NYAP2: variants seen among roughly 807,000 people sequenced by gnomAD.
NYAP2 encodes the protein neuronal tyrosine-phosphorylated phosphoinositide-3-kinase adaptor 2.
NYAP2 carries 23 observed loss-of-function variants against 50.4 expected under a neutral mutation model. That is an observed-to-expected ratio of 0.46 (90% CI 0.33 to 0.65). The LOEUF is 0.65. Ranked by LOEUF, NYAP2 falls within the 30% of genes least tolerant of loss-of-function variation. NYAP2 has a pLI of 0.02. For missense variants in NYAP2, 885 were observed against 861.0 expected (o/e 1.03, Z -0.35); for synonymous variants, 394 against 365.2 (o/e 1.08, Z -0.90).
chr2:225,447,187 C>T (rs1689577045), intron 3 of NYAP2, among the ~76,000 whole-genome samples: 1 of 152,164 alleles, frequency 6.6e-6, no homozygotes, highest in African/African-American at 2.4e-5. Context: ...ATATGTAGCC[C>T]AGGTGGAGAC....
intron 5 of NYAP2, among the ~76,000 whole-genome samples, chr2:225,601,241 C>A (rs1395912055): frequency 6.6e-6 from 1 of 151,638 alleles, no homozygotes; most frequent in Non-Finnish European, 1.5e-5. Context: ...CTGCCTCAGT[C>A]TCCTGAGTAG....
intron 5 of NYAP2, among the ~76,000 whole-genome samples, chr2:225,623,823 T>C (rs1417692493): frequency 6.6e-6 from 1 of 152,210 alleles, no homozygotes; most frequent in African/African-American, 2.4e-5. Context: ...CATATTCCAT[T>C]GTTAACTGTA....
chr2:225,574,544 T>C lies in NYAP2; in HGVS notation c.524-7397T>C, dbSNP rs901266526. ...CCTGTAAGTGAGTAGTTTTCCTAGC[T>C]ACTTCCAGCCTTTAAAAGTTTTGGG... On this transcript the variant is annotated intron_variant, in intron 4 of 6. Coordinates refer to ENST00000636099, the Ensembl canonical transcript of NYAP2. Among the ~76,000 whole-genome samples, 47 of 152,230 alleles carry C rather than the reference T, an allele frequency of 3.1e-4. 1 individual carries two copies. The highest frequency in any genetic ancestry group is 1.6e-3 in the Admixed American group (24 of 15,282).
the NYAP2 span, among the ~76,000 whole-genome samples, chr2:225,664,982 T>C: frequency 6.6e-6 from 1 of 152,268 alleles, no homozygotes; most frequent in East Asian, 1.9e-4. Context: ...CAAGTATATA[T>C]TTAAGGCAGA....
At chr2:225,502,100 C>A (rs1171574134) in intron 3 of NYAP2, among the ~76,000 whole-genome samples, 1 of 152,136 alleles carries the variant, frequency 6.6e-6, no homozygotes, top group Non-Finnish European at 1.5e-5. Flanking sequence ...AATGGAAGAG[C>A]TATCAAAGGG....
chr2:225,523,321 C>A, intron 4 of NYAP2, among the ~76,000 whole-genome samples: 1 of 149,000 alleles, frequency 6.7e-6, no homozygotes, highest in East Asian at 2.0e-4. Context: ...CTAGAAAAAC[C>A]TAAAGATACC....
the NYAP2 span, among the ~76,000 whole-genome samples, chr2:225,681,487 G>A: frequency 2.6e-5 from 4 of 152,202 alleles, no homozygotes; most frequent in East Asian, 3.9e-4. Flanking sequence ...TACATTCAGA[G>A]AGAAGCAGTG....
At chr2:225,594,195 A>G (rs1692558949) in intron 5 of NYAP2, among the ~76,000 whole-genome samples, 1 of 152,212 alleles carries the variant, frequency 6.6e-6, no homozygotes, top group Admixed American at 6.5e-5. Context: ...TGCTTAACTT[A>G]TGCATTATTG....
At chr2:225,568,028 G>A (rs77561778) in intron 4 of NYAP2, among the ~76,000 whole-genome samples, 3,828 of 152,190 alleles carry the variant, frequency 0.025, 155 homozygotes, top group African/African-American at 0.087. Context: ...TCCCTATATT[G>A]CTAGTGATAG....
At chr2:225,548,142 A>T (rs1691615916) in intron 4 of NYAP2, among the ~76,000 whole-genome samples, 1 of 151,596 alleles carries the variant, frequency 6.6e-6, no homozygotes, top group Non-Finnish European at 1.5e-5. Flanking sequence ...ACCCCACTGG[A>T]GCAGTTTTTG....
intron 4 of NYAP2, among the ~76,000 whole-genome samples, chr2:225,521,360 A>G (rs1490051672): frequency 6.6e-6 from 1 of 151,074 alleles, no homozygotes; most frequent in Non-Finnish European, 1.5e-5. Flanking sequence ...CCAGTTTTCA[A>G]AGGGAATGCT....
intron 5 of NYAP2, among the ~76,000 whole-genome samples, chr2:225,600,511 A>G (rs1388041259): frequency 2.0e-5 from 3 of 152,200 alleles, no homozygotes; most frequent in Non-Finnish European, 2.9e-5. Context: ...GTTTTCAACT[A>G]TAAACTAAGT....
chr2:225,417,930 G>A (rs1695151767), intron 3 of NYAP2, among the ~76,000 whole-genome samples: 1 of 152,082 alleles, frequency 6.6e-6, no homozygotes, highest in African/African-American at 2.4e-5. Context: ...CTGGTAGGGG[G>A]TTGGGAGGTG....
downstream of NYAP2, among the ~76,000 whole-genome samples, chr2:225,658,231 CTCT>C (rs1350924393): frequency 6.6e-6 from 1 of 152,086 alleles, no homozygotes; most frequent in African/African-American, 2.4e-5. Flanking sequence ...TTAAAATTGG[CTCT>C]TATTATTTAC....
chr2:225,651,328 A>G (rs1456206491), intron 6 of NYAP2, 104 bp from the exon 7 acceptor site: 10 of 1,447,004 alleles, frequency 6.9e-6, no homozygotes, highest in Admixed American at 1.7e-5. Context: ...AGCATTTTGT[A>G]TATTCCAAGA....
At chr2:225,619,962 G>A (rs77853244) in intron 5 of NYAP2, among the ~76,000 whole-genome samples, 1,784 of 152,200 alleles carry the variant, frequency 0.012, 27 homozygotes, top group African/African-American at 0.039. Flanking sequence ...GTCAACATTC[G>A]CTCATTCATT....
intron 3 of NYAP2, among the ~76,000 whole-genome samples, chr2:225,502,408 AT>A (rs1223441919): frequency 6.6e-6 from 1 of 152,242 alleles, no homozygotes; most frequent in Non-Finnish European, 1.5e-5. Flanking sequence ...GAAGAATGTC[AT>A]TAAATAATAG....
intron 3 of NYAP2, among the ~76,000 whole-genome samples, chr2:225,467,967 A>G (rs1689948099): frequency 6.6e-6 from 1 of 152,220 alleles, no homozygotes; most frequent in Non-Finnish European, 1.5e-5. Flanking sequence ...ATTCAAGCCT[A>G]TGAGAGTTCA....
chr2:225,630,825 T>A (rs537182333), intron 6 of NYAP2, among the ~76,000 whole-genome samples: 1 of 152,218 alleles, frequency 6.6e-6, no homozygotes, highest in Non-Finnish European at 1.5e-5. Context: ...TGGGAAGTCA[T>A]TTACTGAGAT....
Sources: gnomAD v4.1 joint callset for allele counts (sites outside exome capture counted in the v4.1 genomes callset) on GRCh38, gnomAD v4.1.1 for gene constraint, MANE v1.5 for transcripts, NCBI Gene and HGNC (gene_info 2026-07-23, HGNC 2026-07-21) for gene names.